HERC1: variants seen among roughly 807,000 people sequenced by gnomAD.
The protein encoded by HERC1 is probable E3 ubiquitin-protein ligase HERC1.
Under a neutral mutation model 554.3 loss-of-function variants are expected in HERC1, and 160 were observed. The ratio of observed to expected loss-of-function variants is 0.29; its 90% CI spans 0.25 to 0.33. The LOEUF (loss-of-function observed/expected upper bound fraction) is 0.33. HERC1 is among the 10% of genes least tolerant of loss of function. The pLI is 1.00. For missense variants in HERC1, 4,919 were observed against 5,918.5 expected (o/e 0.83, Z 5.54); for synonymous variants, 2,175 against 2,131.7 (o/e 1.02, Z -0.56).
chr15:63,806,537 G>C (rs2077144992), intron 1 of HERC1, among the ~76,000 whole-genome samples: 1 of 152,118 alleles, frequency 6.6e-6, no homozygotes, highest in Admixed American at 6.5e-5. Context: ...CCCACAACCA[G>C]ACTCATGCTT....
At position 63,746,900 on chromosome 15, in the gene HERC1, C is replaced by T. The variant is rs79559105; in HGVS notation, c.2520+18G>A. On this transcript the variant is annotated intron_variant, in intron 12 of 77. Transcript: ENST00000443617. ...AGACGTGGTTTGAGATACAGATTCACAAGTCCTATTCTCTTACCTCTTGGA... is the reference window on the plus strand; with the variant it reads ...AGACGTGGTTTGAGATACAGATTCATAAGTCCTATTCTCTTACCTCTTGGA... 1.2e-3 allele frequency: 1,871 copies of T among 1,548,930 alleles called. 23 individuals are homozygous for T. In the African/African-American group the frequency reaches 0.023, roughly 19 times the overall value.
chr15:63,641,576 G>C lies in HERC1; in HGVS notation c.11501C>G (p.Thr3834Arg), dbSNP rs886733901. 6.2e-7 allele frequency: 1 copy of C among 1,604,102 alleles called. No individual in the cohort carries two copies. The highest frequency in any genetic ancestry group is 8.5e-7 in the Non-Finnish European group (1 of 1,174,684). Residue 3834 changes from threonine to arginine, a missense_variant, in exon 60 of 78, where the codon ACA (threonine) becomes AGA (arginine). This residue lies in a region of HERC1 where 1,963 missense variants were observed against 2,228.6 expected (regional missense o/e 0.88). Coordinates refer to ENST00000443617, the MANE Select transcript of HERC1 (RefSeq NM_003922.4). ...CAGAACACCCTGCTGTTTCAATGCT[G>C]TCCTACAGGTTGCCAAAACATGATT... ...AANHVLATCR[T>R]ALKQQGVLGL... is the part of the protein sequence containing the mutation.
intron 19 of HERC1, among the ~76,000 whole-genome samples, chr15:63,719,858 G>T (rs2073733721): frequency 6.6e-6 from 1 of 152,092 alleles, no homozygotes; most frequent in Non-Finnish European, 1.5e-5. Flanking sequence ...CGAGGGTAGG[G>T]AGCTGGAATC....
intron 67 of HERC1, among the ~76,000 whole-genome samples, chr15:63,633,207 A>G (rs1474804095): frequency 3.3e-5 from 5 of 152,230 alleles, no homozygotes; most frequent in African/African-American, 1.2e-4. Context: ...GCCTCTCTGC[A>G]TACGTAGCTT....
intron 12 of HERC1, among the ~76,000 whole-genome samples, chr15:63,742,381 G>C (rs939882319): frequency 3.3e-5 from 5 of 152,072 alleles, no homozygotes; most frequent in African/African-American, 1.2e-4. Flanking sequence ...TTGTGTATGA[G>C]TGTGTGTGTG....
At chr15:63,669,303 G>A (rs1189139462) in intron 40 of HERC1, among the ~76,000 whole-genome samples, 2 of 152,120 alleles carry the variant, frequency 1.3e-5, no homozygotes, top group African/African-American at 4.8e-5. Flanking sequence ...GGCTATATTG[G>A]GAAAAATGAA....
At chr15:63,774,357 T>A in intron 2 of HERC1, among the ~76,000 whole-genome samples, 1 of 150,326 alleles carries the variant, frequency 6.7e-6, no homozygotes, top group East Asian at 1.9e-4. Context: ...AAATAAGAGG[T>A]TTTTTTTTCT....
At chr15:63,613,406 A>G (rs1482008703) in intron 76 of HERC1, among the ~76,000 whole-genome samples, 1 of 152,114 alleles carries the variant, frequency 6.6e-6, no homozygotes, top group Non-Finnish European at 1.5e-5. Context: ...AATATTATAC[A>G]GTAGTGCATA....
chr15:63,646,708 T>C (rs1270116182), intron 55 of HERC1, among the ~76,000 whole-genome samples: 1 of 151,380 alleles, frequency 6.6e-6, no homozygotes, highest in East Asian at 1.9e-4. Context: ...CTCAGGAGGC[T>C]GAGGCAGGAA....
chr15:63,722,250 ATATCT>A (rs1303049123), intron 19 of HERC1, among the ~76,000 whole-genome samples: 1 of 152,226 alleles, frequency 6.6e-6, no homozygotes, highest in Non-Finnish European at 1.5e-5. Context: ...ACTTAATAGT[ATATCT>A]TATCTCAAAC....
At chr15:63,757,262 C>CTTTTTTTTTTT (rs56196711) in intron 4 of HERC1, among the ~76,000 whole-genome samples, 1 of 107,880 alleles carries the variant, frequency 9.3e-6, no homozygotes, top group Non-Finnish European at 1.8e-5. Context: ...TTTTTATTTA[C>CTTTTTTTTTTT]TTTTTTTTTT....
At chr15:63,723,143 C>A in intron 19 of HERC1, 39 bp downstream of exon 19, 1 of 1,292,206 alleles carries the variant, frequency 7.7e-7, no homozygotes, top group South Asian at 2.6e-5. Flanking sequence ...GCATTATGAG[C>A]TAACTACAAA....
intron 8 of HERC1, among the ~76,000 whole-genome samples, chr15:63,752,253 T>C (rs894515252): frequency 6.6e-6 from 1 of 152,158 alleles, no homozygotes; most frequent in Non-Finnish European, 1.5e-5. Context: ...CATAAAACAC[T>C]TTTATACCAC....
At position 63,775,670 on chromosome 15, in the gene HERC1, A is replaced by G; in HGVS notation, c.-26-21T>C. On this transcript the variant is annotated intron_variant, in intron 1 of 77. Transcript: ENST00000443617. This position sits in a 1 kb window ranked among gnomAD's most constrained non-coding sequence, Gnocchi z 4.0. ...TAGTCCTGCAAAGGGAGAAGAGAAA[A>G]CAGTCAAAAACATACAGAGGACTCA... is the stretch of plus-strand genomic sequence containing the variant. The G allele has an allele frequency of 7.2e-7, 1 of 1,385,540 alleles. No homozygotes were observed. The highest frequency in any genetic ancestry group is 9.9e-7 in the Non-Finnish European group (1 of 1,010,654). 85.8% of individuals were successfully genotyped at this position (1,385,540 alleles called of 1,614,324 possible). A position where few individuals can be genotyped will look rare whatever the true frequency, so the allele number is the denominator to read the frequency against.
chr15:63,713,557 T>C lies in HERC1; in HGVS notation c.4259A>G (p.Gln1420Arg). 6.2e-7 allele frequency: 1 copy of C among 1,613,978 alleles called. No individual in the cohort carries two copies. The highest frequency in any genetic ancestry group is 1.1e-5 in the South Asian group (1 of 91,070). Reference protein sequence around the residue: ...SGARADDPPPQSQQERRVSTD... With the variant: ...SGARADDPPPRSQQERRVSTD... ...GCTGACCCTTCGCTCTTGCTGAGAC[T>C]GAGGAGGTGGATCATCAGCTCGAGC... The change falls in exon 23 of 78, where the codon CAG becomes CGG. Residue 1420 changes from glutamine to arginine, a missense_variant. Physicochemically the swap from Gln to Arg is conservative, Grantham distance 43. This residue lies in a region of HERC1 where 1,121 missense variants were observed against 1,244.0 expected (regional missense o/e 0.90). Coordinates refer to ENST00000443617, the MANE Select transcript of HERC1 (RefSeq NM_003922.4).
At position 63,712,768 on chromosome 15, in the gene HERC1, T is replaced by C. The variant is rs2073368193; in HGVS notation, c.4584+7A>G. ...AATCTTTCTTTACTGAATCTGGGTA[T>C]ACCTACCAGTGCGTAACCCTCTTCA... On this transcript the variant is annotated splice_region_variant and intron_variant, in intron 24 of 77. Coordinates refer to ENST00000443617, the MANE Select transcript of HERC1 (RefSeq NM_003922.4). The C allele has an allele frequency of 6.2e-7, 1 of 1,612,806 alleles. No individual in the cohort carries two copies. The highest frequency in any genetic ancestry group is 8.5e-7 in the Non-Finnish European group (1 of 1,179,422).
At position 63,652,457 on chromosome 15, in the gene HERC1, T is replaced by C. The variant is rs2069745061; in HGVS notation, c.10375A>G (p.Lys3459Glu). The C allele has an allele frequency of 6.2e-7, 1 of 1,612,872 alleles. No homozygotes were observed. The highest frequency in any genetic ancestry group is 8.5e-7 in the Non-Finnish European group (1 of 1,179,200). Residue 3459 changes from lysine (K) to glutamate (E), a missense_variant, in exon 52 of 78, where the codon AAG (lysine) becomes GAG (glutamate). Transcript: ENST00000443617. ...DGTIRVWNVTKKQYSLQQTCV... is the reference protein window; with the variant it reads ...DGTIRVWNVTEKQYSLQQTCV... ...GTCTGTTGCAGTGAATATTGCTTCT[T>C]GGTAACATTCCATACGCGGATGGTG...
chr15:63,639,691 G>A (rs1815129), intron 61 of HERC1, among the ~76,000 whole-genome samples: 1 of 152,098 alleles, frequency 6.6e-6, no homozygotes, highest in Non-Finnish European at 1.5e-5. Flanking sequence ...ACAGTTTCTA[G>A]AGTAGACACT....
chr15:63,821,317 G>A (rs2077683576), intron 1 of HERC1, among the ~76,000 whole-genome samples: 1 of 151,962 alleles, frequency 6.6e-6, no homozygotes, highest in Non-Finnish European at 1.5e-5. Flanking sequence ...AACTTTAGGA[G>A]GCTGAGGCGG....
Sources: allele counts gnomAD v4.1 joint callset (sites outside exome capture counted in the v4.1 genomes callset), GRCh38; gene constraint gnomAD v4.1.1; regional missense constraint gnomAD v4.1.1; non-coding constraint Gnocchi (gnomAD v3.1); transcripts MANE v1.5; gene names NCBI Gene and HGNC (gene_info 2026-07-23, HGNC 2026-07-21).